The following GABRR2 variants were observed in gnomAD, a reference collection of about 807,000 sequenced individuals.
The protein encoded by GABRR2 is gamma-aminobutyric acid receptor subunit rho-2.
A neutral mutation model predicts 47.0 loss-of-function variants in GABRR2; 36 were observed. That is an observed-to-expected ratio of 0.77 (90% CI 0.59 to 1.01). GABRR2 has a LOEUF of 1.01. Among genes scored for constraint, GABRR2 ranks in the 50% least tolerant of loss-of-function variants. GABRR2 has a pLI of 0.00. For synonymous variants in GABRR2, 204 were observed against 227.5 expected, an observed-to-expected ratio of 0.90 and a Z score of 0.93; for missense variants, 587 against 594.6, an observed-to-expected ratio of 0.99 and a Z score of 0.13.
rs1369743271 is a variant in GABRR2 at position 89,255,390 on chromosome 6, T to C, written c.*2280A>G. Among the ~76,000 whole-genome samples, 1 of 152,118 alleles carries C rather than the reference T, an allele frequency of 6.6e-6. No homozygotes were observed. The highest frequency in any genetic ancestry group is 1.5e-5 in the Non-Finnish European group (1 of 68,020). Reference sequence around the variant, plus strand: ...AGGCAGAGGTTGTGGTGAGCCAAGATCAAGCCATTGCACTCCAGCCTGAGC... The same window carrying C: ...AGGCAGAGGTTGTGGTGAGCCAAGACCAAGCCATTGCACTCCAGCCTGAGC... On this transcript the variant is annotated 3_prime_UTR_variant, in exon 9 of 9. Transcript: ENST00000402938.
At chr6:89,274,909 C>T (rs576438743) in intron 2 of GABRR2, among the ~76,000 whole-genome samples, 31 of 152,030 alleles carry the variant, frequency 2.0e-4, no homozygotes, top group African/African-American at 6.0e-4. Context: ...GATCTGGTAA[C>T]GCAAAGAGAC....
chr6:89,291,295 G>A (rs544169118), intron 2 of GABRR2, among the ~76,000 whole-genome samples: 9 of 152,098 alleles, frequency 5.9e-5, no homozygotes, highest in South Asian at 2.1e-4. Context: ...ACCTCAGCCC[G>A]TCTAGCCTCC....
chr6:89,297,173 ATATTT>A (rs1774571004), intron 2 of GABRR2, among the ~76,000 whole-genome samples: 1 of 152,228 alleles, frequency 6.6e-6, no homozygotes, highest in Non-Finnish European at 1.5e-5. Flanking sequence ...ATCAAAAAGC[ATATTT>A]TATGATTGTG....
intron 2 of GABRR2, among the ~76,000 whole-genome samples, chr6:89,277,179 T>G (rs1305619281): frequency 1.3e-5 from 2 of 152,180 alleles, no homozygotes; most frequent in African/African-American, 4.8e-5. Flanking sequence ...TGATAGTAAG[T>G]GAGTTCTCTC....
At chr6:89,308,065 T>A (rs1043622308) in intron 1 of GABRR2, among the ~76,000 whole-genome samples, 5 of 152,214 alleles carry the variant, frequency 3.3e-5, no homozygotes, top group Non-Finnish European at 5.9e-5. Context: ...TCTACCTGCC[T>A]TGGCCTCCCA....
Position 89,315,124 on chromosome 6 carries a change from C to G in GABRR2, c.42G>C (p.Leu14Phe). Residue 14 changes from leucine (L) to phenylalanine (F), a missense_variant, in exon 1 of 9, where the codon TTG becomes TTC. Coordinates refer to ENST00000402938, the MANE Select transcript of GABRR2 (RefSeq NM_002043.5). Reference sequence around the variant, plus strand: ...GTTTTCTGCTCTCCACGAGAACCATCAAGCAAAACAAGAACAAAATGAGTC... The same window carrying G: ...GTTTTCTGCTCTCCACGAGAACCATGAAGCAAAACAAGAACAAAATGAGTC... Reference protein sequence around the residue: ...FTRLILFLFCLMVLVESRKPK... With the variant: ...FTRLILFLFCFMVLVESRKPK... 1.2e-6 allele frequency: 2 copies of G among 1,613,906 alleles called. No individual in the cohort carries two copies. The highest frequency in any genetic ancestry group is 1.7e-6 in the Non-Finnish European group (2 of 1,179,854).
intron 2 of GABRR2, among the ~76,000 whole-genome samples, chr6:89,280,621 C>T (rs1774243455): frequency 2.0e-5 from 3 of 152,164 alleles, no homozygotes; most frequent in African/African-American, 7.2e-5. Flanking sequence ...GGCTCCAACG[C>T]TGCTGTCATG....
intron 4 of GABRR2, 31 bp from the exon 5 acceptor site, chr6:89,268,127 T>G: frequency 6.5e-7 from 1 of 1,549,492 alleles, no homozygotes; most frequent in Non-Finnish European, 8.8e-7. Context: ...TATTGGCTTG[T>G]GCGGTGAATT....
intron 2 of GABRR2, among the ~76,000 whole-genome samples, chr6:89,275,190 A>G (rs1396385498): frequency 2.0e-5 from 3 of 152,220 alleles, no homozygotes; most frequent in African/African-American, 7.2e-5. Flanking sequence ...AAATCAATCA[A>G]GGAATTCCAG....
intron 2 of GABRR2, among the ~76,000 whole-genome samples, chr6:89,290,136 T>C (rs1774412255): frequency 6.6e-6 from 1 of 152,116 alleles, no homozygotes; most frequent in Non-Finnish European, 1.5e-5. Context: ...TGTAAAATGA[T>C]ATATATCCCT....
chr6:89,302,876 C>T (rs1272495550), intron 1 of GABRR2: 17 of 1,247,140 alleles, frequency 1.4e-5, no homozygotes, highest in Non-Finnish European at 1.1e-6. Context: ...TCAGCAACAG[C>T]ACGGGCATCC....
At chr6:89,304,496 C>T (rs986473953) in intron 1 of GABRR2, among the ~76,000 whole-genome samples, 6 of 150,596 alleles carry the variant, frequency 4.0e-5, no homozygotes, top group Admixed American at 1.3e-4. Context: ...CACTGAGGCA[C>T]GAGAATCACT....
chr6:89,297,667 C>T (rs539637674), intron 2 of GABRR2, among the ~76,000 whole-genome samples: 2 of 152,104 alleles, frequency 1.3e-5, no homozygotes, highest in Non-Finnish European at 2.9e-5. Flanking sequence ...CCAGCCTGGC[C>T]AACATGGTGA....
intron 2 of GABRR2, among the ~76,000 whole-genome samples, chr6:89,282,081 T>A (rs977481625): frequency 6.6e-6 from 1 of 152,128 alleles, no homozygotes; most frequent in African/African-American, 2.4e-5. Context: ...TCATACTCAA[T>A]GTAGCAGCAA....
At chr6:89,305,862 C>T (rs903573516) in intron 1 of GABRR2, among the ~76,000 whole-genome samples, 2 of 151,964 alleles carry the variant, frequency 1.3e-5, no homozygotes, top group African/African-American at 4.8e-5. Context: ...GGCTTCGTAC[C>T]TGGGTGTCAA....
intron 2 of GABRR2, among the ~76,000 whole-genome samples, chr6:89,285,626 G>A (rs893655073): frequency 6.6e-5 from 10 of 152,084 alleles, no homozygotes; most frequent in Non-Finnish European, 1.2e-4. Flanking sequence ...TGTGTTCAGG[G>A]GTCTGGGTTT....
At chr6:89,271,850 G>T in intron 2 of GABRR2, 128 bp from the exon 3 acceptor site, 1 of 710,098 alleles carries the variant, frequency 1.4e-6, no homozygotes. Context: ...AGAATTCTAT[G>T]AGGGTTTCTT....
At chr6:89,280,836 A>G (rs1450535832) in intron 2 of GABRR2, among the ~76,000 whole-genome samples, 1 of 152,270 alleles carries the variant, frequency 6.6e-6, no homozygotes, top group Non-Finnish European at 1.5e-5. Flanking sequence ...TTATCAGTCA[A>G]GGAGAACTTG....
chr6:89,296,494 AAGG>A (rs1405755556), intron 2 of GABRR2, among the ~76,000 whole-genome samples: 1 of 152,230 alleles, frequency 6.6e-6, no homozygotes, highest in Non-Finnish European at 1.5e-5. Context: ...GCTTGGAAGG[AAGG>A]AGGAGTGGCC....
Sources: gnomAD v4.1 joint callset for allele counts (sites outside exome capture counted in the v4.1 genomes callset) on GRCh38, gnomAD v4.1.1 for gene constraint, MANE v1.5 for transcripts, NCBI Gene and HGNC (gene_info 2026-07-23, HGNC 2026-07-21) for gene names.